GMPR2: variants seen among roughly 807,000 people sequenced by gnomAD.
The protein encoded by GMPR2 is guanosine monophosphate reductase 2, also known as GMP reductase 2.
Under a neutral mutation model 38.5 loss-of-function variants are expected in GMPR2, and 32 were observed. The observed-to-expected ratio is 0.83, with a 90% CI of 0.63 to 1.12. The LOEUF is 1.12. Ranked by LOEUF, GMPR2 falls within the 50% of genes most tolerant of loss-of-function variation. GMPR2 has a pLI of 0.00. For missense variants in GMPR2, 396 were observed against 432.1 expected (o/e 0.92, Z 0.74); for synonymous variants, 154 against 151.0 (o/e 1.02, Z -0.15).
At position 24,237,411 on chromosome 14, in the gene GMPR2, G is replaced by A. The variant is rs1482709904; in HGVS notation, c.654+60G>A. On this transcript the variant is annotated intron_variant, in intron 7 of 9. Transcript: ENST00000399440. ...GTTTCTGCAGGGTATGGAGGTGGCA[G>A]AGATGGATTAGAATTCCTGGGTTCT... 5.4e-6 allele frequency: 8 copies of A among 1,480,084 alleles called. No individual in the cohort carries two copies. In the East Asian group the frequency reaches 1.6e-4, roughly 29 times the overall value. 91.7% of individuals were successfully genotyped at this position (1,480,084 alleles called of 1,614,324 possible).
rs767604015 is a variant in GMPR2 at position 24,233,587 on chromosome 14, G to A, written c.196G>A (p.Val66Ile). ...TGTGGGCACCTTTGAGATGGCCAAG[G>A]TTCTCTGTAAGGTAGGGCTTTCCTC... ...DTVGTFEMAK[V>I]LCKFSLFTAV... The change falls in exon 3 of 10, where the codon GTT becomes ATT. Residue 66 changes from valine to isoleucine, a missense_variant. Coordinates refer to ENST00000399440, the MANE Select transcript of GMPR2 (RefSeq NM_001002002.3). 37 of 1,614,128 alleles carry A rather than the reference G, an allele frequency of 2.3e-5. No individual in the cohort carries two copies. In the South Asian group the frequency reaches 4.0e-4, roughly 17 times the overall value.
At chr14:24,232,923 A>G (rs921330387), upstream of GMPR2, 47 of 450,576 alleles carry the variant, frequency 1.0e-4, 1 homozygote, top group Non-Finnish European at 1.6e-5. Context: ...GTTCCCCTAA[A>G]TCAGCCTCTT....
chr14:24,235,661 T>C (rs2040302588), intron 3 of GMPR2, 76 bp from the exon 4 acceptor site: 4 of 964,018 alleles, frequency 4.1e-6, no homozygotes, highest in Non-Finnish European at 5.0e-6. Flanking sequence ...CTCCCTCAGA[T>C]AGAATAGGTC....
chr14:24,235,472 T>C, intron 3 of GMPR2: 1 of 499,742 alleles, frequency 2.0e-6, no homozygotes, highest in Non-Finnish European at 3.6e-6. Flanking sequence ...TCAGAAGCAG[T>C]GAATGTGCTG....
In GMPR2 at chr14:24,239,195, T is replaced by C. The variant is rs554369979; in HGVS notation, c.*417T>C. On this transcript the variant is annotated 3_prime_UTR_variant, in exon 10 of 10. Coordinates refer to ENST00000399440, the MANE Select transcript of GMPR2 (RefSeq NM_001002002.3). ...ACATATCTAAAAAGCTCTGAAGTGT[T>C]TGTATATTTGAAATACCTCAATAAA... 1.2e-4 allele frequency: 42 copies of C among 364,278 alleles called. No homozygotes were observed. Among genetic ancestry groups the C allele is most frequent in the African/African-American group, 8.1e-4 (38 of 47,006 alleles). 22.6% of individuals were successfully genotyped at this position (364,278 alleles called of 1,614,324 possible).
intron 9 of GMPR2, 55 bp from the exon 10 acceptor site, chr14:24,238,534 C>A (rs750915615): frequency 7.4e-5 from 119 of 1,613,824 alleles, no homozygotes; most frequent in Non-Finnish European, 9.3e-5. Context: ...GTGGAAAAGT[C>A]CCTGGGCTTA....
Position 24,237,085 on chromosome 14 carries a change from A to G in GMPR2, c.480A>G (p.Val160=). The change falls in exon 6 of 10, where the codon GTA becomes GTG. Residue 160 remains valine (V), a synonymous_variant. Coordinates refer to ENST00000399440, the MANE Select transcript of GMPR2 (RefSeq NM_001002002.3). ...CTCTGTCTCAGGCAGGGAATGTGGT[A>G]ACAGGAGAGATGGTAGAAGAGCTCA... ...PQHTIMAGNV[V]TGEMVEELIL... is the part of the protein sequence containing the mutation. The G allele has an allele frequency of 6.2e-7, 1 of 1,612,822 alleles. No homozygotes were observed. The highest frequency in any genetic ancestry group is 8.5e-7 in the Non-Finnish European group (1 of 1,178,774).
rs2040469946 is a variant in GMPR2 at position 24,238,661 on chromosome 14, A to C, written c.930A>C (p.Gly310=). 1 of 1,613,832 alleles carries C rather than the reference A, an allele frequency of 6.2e-7. No individual in the cohort carries two copies. The highest frequency in any genetic ancestry group is 8.5e-7 in the Non-Finnish European group (1 of 1,179,888). Residue 310 remains glycine (G), a synonymous_variant, in exon 10 of 10, where the codon GGA becomes GGC. Coordinates refer to ENST00000399440, the MANE Select transcript of GMPR2 (RefSeq NM_001002002.3). ...AACATACCATCCGAGACATCCTAGG[A>C]GGGATCCGCTCTACGTGTACCTATG... ...DVEHTIRDIL[G]GIRSTCTYVG...
intron 2 of GMPR2, 41 bp from the exon 3 acceptor site, chr14:24,233,438 T>A: frequency 6.2e-7 from 1 of 1,609,096 alleles, no homozygotes; most frequent in East Asian, 2.2e-5. Context: ...GGTACGTTTT[T>A]TGGATTAATG....
chr14:24,233,000 C>A (rs2040122970), intron 1 of GMPR2, 23 bp downstream of exon 1: 1 of 599,756 alleles, frequency 1.7e-6, no homozygotes, highest in Admixed American at 3.0e-5. Flanking sequence ...CCGTCAGGGT[C>A]TCTCACAACC....
At chr14:24,236,944 G>T in intron 5 of GMPR2, 127 bp from the exon 6 acceptor site, 2 of 753,334 alleles carry the variant, frequency 2.7e-6, no homozygotes. Flanking sequence ...AGAGGGCCCA[G>T]TAGAGGGGAC....
chr14:24,233,379 G>A lies in GMPR2; in HGVS notation c.87+39G>A, dbSNP rs1207427182. 5 of 1,610,454 alleles carry A rather than the reference G, an allele frequency of 3.1e-6. No individual in the cohort carries two copies. The African/African-American group carries it at 5.3e-5, about 17-fold the overall frequency. On this transcript the variant is annotated intron_variant, in intron 2 of 9. Coordinates refer to ENST00000399440, the MANE Select transcript of GMPR2 (RefSeq NM_001002002.3). ...TCTACTTGCTGTTTCTTGACCCCACGCTCCCGGTGGGCCACAACCAAGAAA... is the reference window on the plus strand; with the variant it reads ...TCTACTTGCTGTTTCTTGACCCCACACTCCCGGTGGGCCACAACCAAGAAA...
chr14:24,235,045 G>A (rs2040271477), intron 3 of GMPR2, among the ~76,000 whole-genome samples: 1 of 152,212 alleles, frequency 6.6e-6, no homozygotes, highest in Non-Finnish European at 1.5e-5. Flanking sequence ...GCCTTTGAAT[G>A]CCTTCCTCAA....
At chr14:24,234,703 ATCTTTT>A (rs1314284731) in intron 3 of GMPR2, among the ~76,000 whole-genome samples, 3 of 152,262 alleles carry the variant, frequency 2.0e-5, no homozygotes, top group Non-Finnish European at 4.4e-5. Context: ...GCAAGCAAAC[ATCTTTT>A]TCTAAGTTTG....
At position 24,238,887 on chromosome 14, in the gene GMPR2, C is replaced by T. The variant is rs1404650505; in HGVS notation, c.*109C>T. ...CAGCTCTGTATTACTTTGTCATTTC[C>T]TGTTGTCTCACTCCTGAGGGCTCCT... On this transcript the variant is annotated 3_prime_UTR_variant, in exon 10 of 10. Coordinates refer to ENST00000399440, the MANE Select transcript of GMPR2 (RefSeq NM_001002002.3). 1 of 922,728 alleles carries T rather than the reference C, an allele frequency of 1.1e-6. No individual in the cohort carries two copies. Among genetic ancestry groups the T allele is most frequent in the Non-Finnish European group, 1.7e-6 (1 of 581,650 alleles). The allele number at this position is 922,728 out of a possible 1,614,324, so 57.2% of individuals were successfully genotyped here. A position where few individuals can be genotyped will look rare whatever the true frequency, so the allele number is the denominator to read the frequency against.
In GMPR2 at chr14:24,238,737, G is replaced by T; in HGVS notation, c.1006G>T (p.Val336Phe). The T allele has an allele frequency of 6.2e-7, 1 of 1,613,948 alleles. No individual in the cohort carries two copies. The highest frequency in any genetic ancestry group is 1.1e-5 in the South Asian group (1 of 91,070). Residue 336 changes from valine to phenylalanine, a missense_variant, in exon 10 of 10, where the codon GTC becomes TTC. Transcript: ENST00000399440. The part of the protein sequence containing the change: ...ELSRRTTFIR[V>F]TQQVNPIFSE... ...GAGCAGGAGAACTACCTTCATCCGA[G>T]TCACCCAGCAGGTGAATCCAATCTT...
rs532694536 is a variant in GMPR2 at position 24,232,969 on chromosome 14, T to C, written c.-44T>C. ...TCTTTGCAGGGGTAGAAGAAGGAAGTGTAGCGGGGTAAGGAATGCACCGTC... is the reference window on the plus strand; with the variant it reads ...TCTTTGCAGGGGTAGAAGAAGGAAGCGTAGCGGGGTAAGGAATGCACCGTC... On this transcript the variant is annotated 5_prime_UTR_variant, in exon 1 of 10. Coordinates refer to ENST00000399440, the MANE Select transcript of GMPR2 (RefSeq NM_001002002.3). 1.1e-5 allele frequency: 6 copies of C among 558,740 alleles called. No homozygotes were observed. The African/African-American group carries it at 1.1e-4, about 11-fold the overall frequency. The allele number at this position is 558,740 out of a possible 1,614,324, so 34.6% of individuals were successfully genotyped here.
chr14:24,235,892 C>A, intron 4 of GMPR2, 72 bp downstream of exon 4: 1 of 1,576,356 alleles, frequency 6.3e-7, no homozygotes, highest in Non-Finnish European at 8.7e-7. Flanking sequence ...TTTCTGGGGA[C>A]CAGCACTCAC....
At chr14:24,237,929 A>G (rs1432734229) in intron 8 of GMPR2, 1 of 469,318 alleles carries the variant, frequency 2.1e-6, no homozygotes, top group African/African-American at 1.9e-5. Context: ...GGACACATGA[A>G]ATGAGTCTTA....
Sources: allele counts gnomAD v4.1 joint callset (sites outside exome capture counted in the v4.1 genomes callset), GRCh38; gene constraint gnomAD v4.1.1; transcripts MANE v1.5; gene names NCBI Gene and HGNC (gene_info 2026-07-23, HGNC 2026-07-21).